ULK2: variants seen among roughly 807,000 people sequenced by gnomAD.
The protein encoded by ULK2 is serine/threonine-protein kinase ULK2.
Under a neutral mutation model 127.5 loss-of-function variants are expected in ULK2, and 76 were observed. The ratio of observed to expected loss-of-function variants is 0.60; its 90% CI spans 0.50 to 0.72. The LOEUF (loss-of-function observed/expected upper bound fraction) is 0.72. Ranked by LOEUF, ULK2 falls within the 30% of genes least tolerant of loss-of-function variation. The probability of loss-of-function intolerance (pLI) is 0.00; values close to 1 mark genes in which losing one functional copy is unlikely to be tolerated. For missense variants in ULK2, 1,144 were observed against 1,295.9 expected, an observed-to-expected ratio of 0.88 and a Z score of 1.80; for synonymous variants, 452 against 461.9, an observed-to-expected ratio of 0.98 and a Z score of 0.28.
intron 12 of ULK2, among the ~76,000 whole-genome samples, chr17:19,817,150 TA>T (rs2041010213): frequency 6.6e-6 from 1 of 152,216 alleles, no homozygotes; most frequent in African/African-American, 2.4e-5. Context: ...TACTTAAAAA[TA>T]TATCGTACCA....
intron 3 of ULK2, among the ~76,000 whole-genome samples, chr17:19,850,050 G>C (rs1322520445): frequency 1.3e-5 from 2 of 152,114 alleles, no homozygotes; most frequent in Non-Finnish European, 1.5e-5. Flanking sequence ...GGTTATGATT[G>C]ACCTAAAACA....
chr17:19,832,076 C>T (rs1451152481), intron 10 of ULK2, among the ~76,000 whole-genome samples: 1 of 151,030 alleles, frequency 6.6e-6, no homozygotes, highest in Non-Finnish European at 1.5e-5. Flanking sequence ...TGCAGTGAGC[C>T]AAGATGACGC....
intron 22 of ULK2, among the ~76,000 whole-genome samples, chr17:19,782,777 G>A (rs9889660): frequency 0.031 from 4,693 of 152,078 alleles, 228 homozygotes; most frequent in African/African-American, 0.11. Context: ...TTAGCTGGGC[G>A]TGGTGGCATG....
intron 9 of ULK2, among the ~76,000 whole-genome samples, chr17:19,838,811 A>AG (rs1450450101): frequency 6.6e-6 from 1 of 151,962 alleles, no homozygotes; most frequent in Non-Finnish European, 1.5e-5. Flanking sequence ...GTGGATCATG[A>AG]GGTCAGGAGA....
chr17:19,827,444 G>A (rs1029771820), intron 10 of ULK2, among the ~76,000 whole-genome samples: 12 of 152,144 alleles, frequency 7.9e-5, no homozygotes, highest in Non-Finnish European at 1.3e-4. Flanking sequence ...CAAAATCCTG[G>A]AGTATATTTC....
intron 22 of ULK2, among the ~76,000 whole-genome samples, chr17:19,783,257 C>T (rs2086957439): frequency 6.6e-6 from 1 of 151,954 alleles, no homozygotes; most frequent in African/African-American, 2.4e-5. Flanking sequence ...TCGAGACCCG[C>T]CTGGCCAACA....
In ULK2 at chr17:19,783,097, T is replaced by C. The variant is rs535184718; in HGVS notation, c.2460+600A>G. 9.8e-5 allele frequency among the ~76,000 whole-genome samples: 15 copies of C among 152,326 alleles called. No homozygotes were observed. The South Asian group carries it at 2.3e-3, about 23-fold the overall frequency. On this transcript the variant is annotated intron_variant, in intron 22 of 26. Coordinates refer to ENST00000395544, the MANE Select transcript of ULK2 (RefSeq NM_014683.4). ...TCCTAGTGACAGGAGAATAAGCCAA[T>C]TGACTTCTAAAAGTCTCTCTGCTCT...
chr17:19,786,414 TA>T (rs1022667412), intron 20 of ULK2, among the ~76,000 whole-genome samples: 1 of 152,084 alleles, frequency 6.6e-6, no homozygotes, highest in Admixed American at 6.6e-5. Context: ...GAACTGGGAA[TA>T]AAAACAGGTT....
intron 18 of ULK2, 141 bp from the exon 19 acceptor site, chr17:19,796,423 G>T: frequency 2.6e-6 from 2 of 773,296 alleles, no homozygotes; most frequent in South Asian, 4.2e-5. Context: ...GTAGAAAGAT[G>T]CAAACCTTCT....
rs116265780 is a variant in ULK2, at chr17:19,778,680, C to T, written c.2917-964G>A. The stretch of plus-strand genomic sequence containing the variant: ...CTGTTGCCTAGACTAATCTTGAACT[C>T]CTGAGCTCAAGCAATCCTCTTGTCT... On this transcript the variant is annotated intron_variant, in intron 25 of 26. Transcript: ENST00000395544. Among the ~76,000 whole-genome samples the T allele has an allele frequency of 2.1e-3, 322 of 152,240 alleles. 1 individual carries two copies. The highest frequency in any genetic ancestry group is 7.5e-3 in the African/African-American group (310 of 41,552).
At chr17:19,794,955 T>TATAG (rs926994420) in intron 20 of ULK2, among the ~76,000 whole-genome samples, 3 of 151,770 alleles carry the variant, frequency 2.0e-5, no homozygotes, top group African/African-American at 7.3e-5. Context: ...GGCGGGCGCC[T>TATAG]ATAGTCCCAA....
chr17:19,833,269 T>C (rs2041508886), intron 10 of ULK2, among the ~76,000 whole-genome samples: 1 of 152,022 alleles, frequency 6.6e-6, no homozygotes, highest in Non-Finnish European at 1.5e-5. Context: ...CAAAGAAGTA[T>C]GGCCCATACA....
rs2386079 is a variant in ULK2, at chr17:19,833,862, A to G, written c.787+4639T>C. Among the ~76,000 whole-genome samples, 1,457 of 152,320 alleles carry G rather than the reference A, an allele frequency of 9.6e-3. 19 individuals carry two copies. The highest frequency in any genetic ancestry group is 0.034 in the African/African-American group (1,396 of 41,588). ...ATTAAGTGCACACAATGGGAGTCTC[A>G]GAGAAGAGAAAGAGAAAGGGACAGA... On this transcript the variant is annotated intron_variant, in intron 10 of 26. Coordinates refer to ENST00000395544, the MANE Select transcript of ULK2 (RefSeq NM_014683.4).
chr17:19,810,552 T>A, intron 13 of ULK2, 114 bp from the exon 14 acceptor site: 1 of 616,290 alleles, frequency 1.6e-6, no homozygotes, highest in Non-Finnish European at 2.8e-6. Context: ...TACCATTGGC[T>A]TATGTTATGA....
intron 10 of ULK2, 151 bp downstream of exon 10, chr17:19,838,350 C>G: frequency 1.6e-6 from 1 of 641,020 alleles, no homozygotes; most frequent in African/African-American, 1.9e-5. Context: ...TAGTAATAAG[C>G]ACTCAATAAA....
chr17:19,788,744 A>G (rs1470918131), intron 20 of ULK2, among the ~76,000 whole-genome samples: 6 of 152,144 alleles, frequency 3.9e-5, no homozygotes, highest in African/African-American at 1.4e-4. Context: ...AGCAGCACTC[A>G]GCACATGCTG....
intron 1 of ULK2, 42 bp from the exon 2 acceptor site, chr17:19,865,870 A>G (rs2042341312): frequency 8.1e-7 from 1 of 1,232,660 alleles, no homozygotes; most frequent in African/African-American, 1.6e-5. Flanking sequence ...ACCATTCCAC[A>G]TAAATAACAG....
intron 3 of ULK2, among the ~76,000 whole-genome samples, chr17:19,864,472 CAA>C (rs201190960): frequency 1.5e-4 from 21 of 136,174 alleles, no homozygotes; most frequent in Admixed American, 3.7e-4. Context: ...GAGACTCCAT[CAA>C]AAAAAAAAAA....
intron 3 of ULK2, among the ~76,000 whole-genome samples, chr17:19,852,149 C>T (rs2152400120): frequency 6.6e-6 from 1 of 151,578 alleles, no homozygotes; most frequent in Middle Eastern, 3.4e-3. Context: ...GGCTTGAACC[C>T]AGGAGGCGGA....
Sources: gnomAD v4.1 joint callset for allele counts (sites outside exome capture counted in the v4.1 genomes callset) on GRCh38, gnomAD v4.1.1 for gene constraint, MANE v1.5 for transcripts, NCBI Gene and HGNC (gene_info 2026-07-23, HGNC 2026-07-21) for gene names.